Variants in DEPTOR observed in about 807,000 individuals in gnomAD.
DEPTOR encodes the protein DEP domain-containing mTOR-interacting protein.
In DEPTOR, 41 loss-of-function variants were observed where a neutral mutation model predicts 41.6. That is an observed-to-expected ratio of 0.98 (90% confidence interval 0.77 to 1.28). DEPTOR has a LOEUF of 1.28. Ranked by LOEUF, DEPTOR falls within the 50% of genes most tolerant of loss-of-function variation. The pLI, the probability that DEPTOR is intolerant of heterozygous loss-of-function variation, is 0.00. For synonymous variants in DEPTOR, 195 were observed against 192.3 expected (o/e 1.01, Z -0.12); for missense variants, 514 against 527.9 (o/e 0.97, Z 0.26).
intron 7 of DEPTOR, among the ~76,000 whole-genome samples, chr8:120,007,332 G>A (rs1398534839): frequency 6.6e-6 from 1 of 152,092 alleles, no homozygotes; most frequent in Non-Finnish European, 1.5e-5. Context: ...AAACATTAGG[G>A]GAGTGTTAAG....
intron 1 of DEPTOR, among the ~76,000 whole-genome samples, chr8:119,889,211 G>A: frequency 6.6e-6 from 1 of 151,992 alleles, no homozygotes; most frequent in East Asian, 1.9e-4. Flanking sequence ...ACTTAAAAAA[G>A]TAAGTCATGC....
intron 1 of DEPTOR, among the ~76,000 whole-genome samples, chr8:119,884,251 T>A (rs1156235505): frequency 6.6e-6 from 1 of 152,132 alleles, no homozygotes; most frequent in Non-Finnish European, 1.5e-5. Flanking sequence ...AAAGATGGGG[T>A]TTCACCATAT....
intron 5 of DEPTOR, 42 bp from the exon 6 acceptor site, chr8:120,002,935 A>G (rs1563588643): frequency 1.3e-6 from 2 of 1,542,658 alleles, no homozygotes; most frequent in African/African-American, 2.8e-5. Context: ...GTGAGCCGAG[A>G]CCACCCCCTT....
intron 4 of DEPTOR, among the ~76,000 whole-genome samples, chr8:119,994,894 GC>G (rs1458738337): frequency 7.0e-6 from 1 of 143,252 alleles, no homozygotes; most frequent in East Asian, 2.0e-4. Flanking sequence ...TCCAGCCTGG[GC>G]AACACAGTGA....
At chr8:119,931,461 T>G (rs1456206499) in intron 3 of DEPTOR, among the ~76,000 whole-genome samples, 1 of 152,194 alleles carries the variant, frequency 6.6e-6, no homozygotes, top group Non-Finnish European at 1.5e-5. Context: ...CTGTGTCAAG[T>G]GCTTAAGTAT....
chr8:120,002,718 C>A (rs1370069071), intron 5 of DEPTOR, among the ~76,000 whole-genome samples: 3 of 139,222 alleles, frequency 2.2e-5, no homozygotes, highest in Non-Finnish European at 4.5e-5. Context: ...GCAGAGGTTG[C>A]AGTGAGCCCA....
At chr8:120,028,927 A>T (rs562866908) in intron 8 of DEPTOR, among the ~76,000 whole-genome samples, 3 of 152,104 alleles carry the variant, frequency 2.0e-5, no homozygotes, top group African/African-American at 7.2e-5. Flanking sequence ...TCTACTAAAA[A>T]TACAAAAACT....
At chr8:119,921,909 C>T (rs1827901068) in intron 1 of DEPTOR, among the ~76,000 whole-genome samples, 1 of 151,742 alleles carries the variant, frequency 6.6e-6, no homozygotes, top group Non-Finnish European at 1.5e-5. Context: ...TACAGGCACA[C>T]ACCACCACAC....
chr8:119,959,162 T>TC (rs1232450284), intron 3 of DEPTOR, among the ~76,000 whole-genome samples: 1 of 132,326 alleles, frequency 7.6e-6, no homozygotes, highest in Non-Finnish European at 1.7e-5. Context: ...TTCTTTCTTT[T>TC]TTTTTTTTTT....
At chr8:119,896,227 C>A (rs573704553) in intron 1 of DEPTOR, among the ~76,000 whole-genome samples, 9 of 152,252 alleles carry the variant, frequency 5.9e-5, no homozygotes, top group African/African-American at 1.9e-4. Context: ...ATCATTTAAT[C>A]CTGGAGTAAG....
chr8:120,037,789 G>A (rs915858662), intron 8 of DEPTOR, among the ~76,000 whole-genome samples: 7 of 152,242 alleles, frequency 4.6e-5, no homozygotes, highest in African/African-American at 1.7e-4. Context: ...ATATGGCCCA[G>A]GTGTAGAGAT....
intron 4 of DEPTOR, among the ~76,000 whole-genome samples, chr8:119,981,224 A>T (rs1157921644): frequency 1.3e-5 from 2 of 152,192 alleles, no homozygotes; most frequent in Non-Finnish European, 2.9e-5. Flanking sequence ...TATGGCTTCC[A>T]AACTGAATTA....
chr8:119,952,892 G>GA (rs1291294295), intron 3 of DEPTOR, among the ~76,000 whole-genome samples: 4 of 152,170 alleles, frequency 2.6e-5, no homozygotes, highest in African/African-American at 9.7e-5. Flanking sequence ...CTCGTTGTCA[G>GA]ACTATAAAGT....
intron 3 of DEPTOR, among the ~76,000 whole-genome samples, chr8:119,932,978 G>A (rs1828064547): frequency 6.6e-6 from 1 of 152,182 alleles, no homozygotes; most frequent in African/African-American, 2.4e-5. Flanking sequence ...AAAGAGGAGA[G>A]TAGCAGGAGA....
At chr8:120,027,519 A>G (rs563541771) in intron 8 of DEPTOR, among the ~76,000 whole-genome samples, 6 of 151,810 alleles carry the variant, frequency 4.0e-5, no homozygotes, top group African/African-American at 1.4e-4. Flanking sequence ...AGCCTGGCCA[A>G]CATGGTGAAA....
At chr8:119,937,473 TATA>T (rs1404693890) in intron 3 of DEPTOR, among the ~76,000 whole-genome samples, 2 of 152,230 alleles carry the variant, frequency 1.3e-5, no homozygotes, top group Non-Finnish European at 2.9e-5. Context: ...AGTGGTTACA[TATA>T]ATTTTAGAAT....
chr8:120,000,845 A>T (rs866745357), intron 4 of DEPTOR, among the ~76,000 whole-genome samples: 1 of 150,816 alleles, frequency 6.6e-6, no homozygotes, highest in African/African-American at 2.4e-5. Flanking sequence ...TGGGAGGCTG[A>T]GGAGAGTGGA....
At chr8:120,004,536 A>G (rs972396392) in intron 6 of DEPTOR, among the ~76,000 whole-genome samples, 1 of 152,240 alleles carries the variant, frequency 6.6e-6, no homozygotes, top group Non-Finnish European at 1.5e-5. Context: ...CCATTTTACA[A>G]GTTTTTGATT....
Position 119,947,452 on chromosome 8 carries a change from T to G in DEPTOR, c.425+17514T>G, listed in dbSNP as rs539951760. Among the ~76,000 whole-genome samples the G allele has an allele frequency of 3.3e-5, 5 of 152,324 alleles. No homozygotes were observed. The East Asian group carries it at 9.6e-4, about 29-fold the overall frequency. Reference sequence around the variant, plus strand: ...CACCAAGCATCTGCCTGCACACCAGTGGCTCCTGCTTGCTGTTTCTTTTTC... The same window carrying G: ...CACCAAGCATCTGCCTGCACACCAGGGGCTCCTGCTTGCTGTTTCTTTTTC... On this transcript the variant is annotated intron_variant, in intron 3 of 8. Transcript: ENST00000286234.
Sources: gnomAD v4.1 joint callset for allele counts (sites outside exome capture counted in the v4.1 genomes callset) on GRCh38, gnomAD v4.1.1 for gene constraint, MANE v1.5 for transcripts, NCBI Gene and HGNC (gene_info 2026-07-23, HGNC 2026-07-21) for gene names.